The following MAP4K3 variants were observed in gnomAD, a reference collection of about 807,000 sequenced individuals.
MAP4K3 encodes the protein MAPK/ERK kinase kinase kinase 3.
MAP4K3 carries 94 observed loss-of-function variants against 143.5 expected under a neutral mutation model. That is an observed-to-expected ratio of 0.65 (90% CI 0.55 to 0.78). The LOEUF (loss-of-function observed/expected upper bound fraction) is 0.78, where lower values mean the gene tolerates loss of function less well. Ranked by LOEUF, MAP4K3 falls within the 30% of genes least tolerant of loss-of-function variation. MAP4K3 has a pLI of 0.00. For synonymous variants in MAP4K3, 416 were observed against 347.2 expected (o/e 1.20, Z -2.20); for missense variants, 1,077 against 1,068.1 (o/e 1.01, Z -0.12).
chr2:39,390,919 C>T (rs947452028), intron 1 of MAP4K3, among the ~76,000 whole-genome samples: 1 of 152,024 alleles, frequency 6.6e-6, no homozygotes, highest in Admixed American at 6.6e-5. Flanking sequence ...ATATTCTGAC[C>T]GACATACATC....
In MAP4K3 at chr2:39,436,922, G is replaced by C; in HGVS notation, c.66C>G (p.Ile22Met). Residue 22 changes from isoleucine (I) to methionine (M), a missense_variant, in exon 1 of 34, where the codon ATC becomes ATG. Ile to Met is a conservative substitution (Grantham distance 10, BLOSUM62 1). Around this residue, in one of 2 missense-constraint regions of MAP4K3, gnomAD observed 213 missense variants for 266.8 expected, o/e 0.80. Transcript: ENST00000263881. Reference sequence around the variant, plus strand: ...AGACGTCGCCGTAGGTGCCGCTGCCGATGCGCTGAATCAGCTCGAAGTCCT... The same window carrying C: ...AGACGTCGCCGTAGGTGCCGCTGCCCATGCGCTGAATCAGCTCGAAGTCCT... The part of the protein sequence containing the change: ...PQEDFELIQR[I>M]GSGTYGDVYK... 6.2e-7 allele frequency: 1 copy of C among 1,612,644 alleles called. No homozygotes were observed. The highest frequency in any genetic ancestry group is 8.5e-7 in the Non-Finnish European group (1 of 1,179,432).
rs1680084724 is a variant in MAP4K3 at position 39,249,944 on chromosome 2, C to A, written c.*674G>T. ...TAATTGGTTTGCTTCACATAGAAAACAATCCAAATACATTTGTGGAGCCAA... is the reference window on the plus strand; with the variant it reads ...TAATTGGTTTGCTTCACATAGAAAAAAATCCAAATACATTTGTGGAGCCAA... On this transcript the variant is annotated 3_prime_UTR_variant, in exon 34 of 34. Transcript: ENST00000263881. 6.6e-6 allele frequency: 1 copy of A among 152,220 alleles called. No homozygotes were observed. Among genetic ancestry groups the A allele is most frequent in the South Asian group, 2.1e-4 (1 of 4,832 alleles). The allele number at this position is 152,220 out of a possible 1,614,324, so 9.4% of individuals were successfully genotyped here.
At chr2:39,282,693 T>C (rs897332121) in intron 21 of MAP4K3, 139 bp from the exon 22 acceptor site, 1 of 615,860 alleles carries the variant, frequency 1.6e-6, no homozygotes, top group Middle Eastern at 4.4e-4. Flanking sequence ...AAGGCTGAAG[T>C]TCCCCATAAT....
chr2:39,350,864 C>A (rs915838187), intron 3 of MAP4K3, among the ~76,000 whole-genome samples: 10 of 152,136 alleles, frequency 6.6e-5, no homozygotes, highest in Non-Finnish European at 1.3e-4. Flanking sequence ...TCCAACTACA[C>A]GTGGCCCTCT....
intron 3 of MAP4K3, among the ~76,000 whole-genome samples, chr2:39,354,915 T>C (rs1177248999): frequency 2.0e-5 from 3 of 152,174 alleles, no homozygotes; most frequent in African/African-American, 7.2e-5. Context: ...TGGATGTTGC[T>C]AAAGTATGCT....
chr2:39,326,074 T>C, intron 9 of MAP4K3, 72 bp downstream of exon 9: 1 of 1,549,378 alleles, frequency 6.5e-7, no homozygotes, highest in African/African-American at 1.4e-5. Flanking sequence ...CTAAGAAAAT[T>C]ACTTGTTCAT....
intron 12 of MAP4K3, among the ~76,000 whole-genome samples, chr2:39,317,045 T>C (rs1177937965): frequency 1.3e-5 from 2 of 152,152 alleles, no homozygotes; most frequent in East Asian, 3.9e-4. Context: ...GAGAGAATGG[T>C]ACTGGTATAA....
At chr2:39,265,890 TA>T (rs1680743488) in intron 27 of MAP4K3, among the ~76,000 whole-genome samples, 5 of 152,118 alleles carry the variant, frequency 3.3e-5, no homozygotes, top group African/African-American at 1.2e-4. Flanking sequence ...TTCTTCTGGT[TA>T]TAAACCAGAA....
intron 12 of MAP4K3, among the ~76,000 whole-genome samples, chr2:39,320,430 A>T (rs1683262517): frequency 6.6e-6 from 1 of 152,146 alleles, no homozygotes; most frequent in Non-Finnish European, 1.5e-5. Flanking sequence ...AATAACTCCC[A>T]CAAGCCTAGT....
rs539011521 is a variant in MAP4K3, at chr2:39,345,578, A to C, written c.246-2126T>G. Among the ~76,000 whole-genome samples the C allele has an allele frequency of 1.6e-4, 25 of 152,260 alleles. No individual in the cohort carries two copies. The South Asian group carries it at 5.2e-3, about 32-fold the overall frequency. ...AGCTATCAGAGCGCAAAGGTCAACCAACTTAAGAGTATGAAGTAGCAAGGT... is the reference window on the plus strand; with the variant it reads ...AGCTATCAGAGCGCAAAGGTCAACCCACTTAAGAGTATGAAGTAGCAAGGT... On this transcript the variant is annotated intron_variant, in intron 3 of 33. Transcript: ENST00000263881.
chr2:39,286,279 C>T (rs1681773871), intron 21 of MAP4K3, among the ~76,000 whole-genome samples: 1 of 152,222 alleles, frequency 6.6e-6, no homozygotes, highest in South Asian at 2.1e-4. Context: ...TCTAATGCTG[C>T]AGCTGACCTG....
Position 39,336,947 on chromosome 2 carries a change from A to G in MAP4K3, c.387T>C (p.Ser129=). 7.5e-7 allele frequency: 1 copy of G among 1,329,600 alleles called. No individual in the cohort carries two copies. Among genetic ancestry groups the G allele is most frequent in the East Asian group, 2.4e-5 (1 of 41,134 alleles). The allele number at this position is 1,329,600 out of a possible 1,614,324, so 82.4% of individuals were successfully genotyped here. The change falls in exon 6 of 34, where the codon AGT becomes AGC. Residue 129 remains serine, a synonymous_variant. Coordinates refer to ENST00000263881, the MANE Select transcript of MAP4K3 (RefSeq NM_003618.4). ...ETLQGLYYLH[S]KGKMHRDIKG... is the part of the protein sequence containing the mutation. ...TTATATCTCTGTGCATTTTTCCTTT[A>G]CTGTGAAGATAATATAATCCCTGGA...
At chr2:39,319,093 A>G (rs1683212923) in intron 12 of MAP4K3, among the ~76,000 whole-genome samples, 1 of 152,084 alleles carries the variant, frequency 6.6e-6, no homozygotes, top group Non-Finnish European at 1.5e-5. Context: ...TCCCAAAACA[A>G]AGGATTATCT....
At chr2:39,361,973 G>C (rs1057427142) in intron 2 of MAP4K3, among the ~76,000 whole-genome samples, 1 of 151,760 alleles carries the variant, frequency 6.6e-6, no homozygotes, top group Non-Finnish European at 1.5e-5. Flanking sequence ...AAAAACAAAA[G>C]ACACTTCCCT....
chr2:39,353,955 T>C (rs1005825765), intron 3 of MAP4K3, among the ~76,000 whole-genome samples: 9 of 152,182 alleles, frequency 5.9e-5, no homozygotes, highest in South Asian at 4.1e-4. Flanking sequence ...TAATAAGTGA[T>C]AGAACCAGGT....
At chr2:39,292,530 T>G (rs1231134634) in intron 18 of MAP4K3, among the ~76,000 whole-genome samples, 1 of 152,210 alleles carries the variant, frequency 6.6e-6, no homozygotes, top group Non-Finnish European at 1.5e-5. Context: ...GGTTGGTACC[T>G]TGATCTTGAA....
At chr2:39,264,073 A>C (rs1680675697) in intron 28 of MAP4K3, among the ~76,000 whole-genome samples, 1 of 152,216 alleles carries the variant, frequency 6.6e-6, no homozygotes, top group African/African-American at 2.4e-5. Context: ...GACATATTTA[A>C]AATAGCCTGA....
chr2:39,394,770 C>A (rs1228694748), intron 1 of MAP4K3, among the ~76,000 whole-genome samples: 1 of 152,080 alleles, frequency 6.6e-6, no homozygotes, highest in African/African-American at 2.4e-5. Context: ...GGTTATGATG[C>A]CAAGGATACG....
chr2:39,375,438 G>T (rs1666192570), intron 2 of MAP4K3, among the ~76,000 whole-genome samples: 1 of 152,094 alleles, frequency 6.6e-6, no homozygotes, highest in Admixed American at 6.5e-5. Flanking sequence ...TCTGGACTGG[G>T]GGGGAACTTT....
Sources: gnomAD v4.1 joint callset for allele counts (sites outside exome capture counted in the v4.1 genomes callset) on GRCh38, gnomAD v4.1.1 for gene constraint, gnomAD v4.1.1 regional missense constraint, MANE v1.5 for transcripts, NCBI Gene and HGNC (gene_info 2026-07-23, HGNC 2026-07-21) for gene names.